Variants in GABRG3 observed in about 807,000 individuals in gnomAD.
GABRG3 encodes the protein gamma-aminobutyric acid receptor subunit gamma-3.
In GABRG3, 25 loss-of-function variants were observed where a neutral mutation model predicts 48.8. The observed-to-expected ratio is 0.51, with a 90% CI of 0.37 to 0.72. GABRG3 has a LOEUF of 0.72. Ranked by LOEUF, GABRG3 falls within the 30% of genes least tolerant of loss-of-function variation. The pLI, the probability that GABRG3 is intolerant of heterozygous loss-of-function variation, is 0.00. For synonymous variants in GABRG3, 227 were observed against 217.6 expected (o/e 1.04, Z -0.38); for missense variants, 394 against 577.9 (o/e 0.68, Z 3.26).
chr15:27,225,956 C>T (rs1280063552), intron 3 of GABRG3, among the ~76,000 whole-genome samples: 1 of 152,104 alleles, frequency 6.6e-6, no homozygotes, highest in Non-Finnish European at 1.5e-5. Context: ...ATTAGGGGCT[C>T]CCTTTGGAAA....
intron 3 of GABRG3, among the ~76,000 whole-genome samples, chr15:27,051,055 A>G (rs1027173292): frequency 1.3e-5 from 2 of 152,230 alleles, no homozygotes; most frequent in African/African-American, 2.4e-5. Context: ...TAACCAGATA[A>G]ATTGAGGCAA....
intron 3 of GABRG3, among the ~76,000 whole-genome samples, chr15:27,138,614 G>A (rs1898049965): frequency 6.6e-6 from 1 of 152,162 alleles, no homozygotes; most frequent in South Asian, 2.1e-4. Context: ...CCCCCTGGAT[G>A]CCTTCATCTG....
At chr15:27,199,454 C>G (rs1307861851) in intron 3 of GABRG3, among the ~76,000 whole-genome samples, 1 of 152,162 alleles carries the variant, frequency 6.6e-6, no homozygotes, top group African/African-American at 2.4e-5. Flanking sequence ...GTTTGGATAT[C>G]TGTCCCTTCC....
chr15:27,412,802 G>A (rs1036609921), intron 5 of GABRG3, among the ~76,000 whole-genome samples: 1 of 151,900 alleles, frequency 6.6e-6, no homozygotes, highest in Non-Finnish European at 1.5e-5. Flanking sequence ...TCATTTCTTT[G>A]AAGGAAAAAA....
At chr15:27,501,042 C>A (rs969016724) in intron 6 of GABRG3, among the ~76,000 whole-genome samples, 1 of 150,706 alleles carries the variant, frequency 6.6e-6, no homozygotes, top group South Asian at 2.1e-4. Context: ...AGCTCCGCCT[C>A]CCGGGTTCAC....
At chr15:27,143,677 G>C (rs1330507799) in intron 3 of GABRG3, among the ~76,000 whole-genome samples, 1 of 152,174 alleles carries the variant, frequency 6.6e-6, no homozygotes, top group Middle Eastern at 3.2e-3. Context: ...CTAACATTCT[G>C]CTAAAGCTGG....
chr15:27,516,033 T>G (rs1489250261), intron 6 of GABRG3, among the ~76,000 whole-genome samples: 1 of 151,970 alleles, frequency 6.6e-6, no homozygotes, highest in Non-Finnish European at 1.5e-5. Context: ...ATTTAAAAAT[T>G]GTAAATTTGC....
intron 5 of GABRG3, among the ~76,000 whole-genome samples, chr15:27,446,287 T>C (rs79899739): frequency 0.038 from 5,844 of 152,292 alleles, 136 homozygotes; most frequent in Middle Eastern, 0.11. Context: ...TAGTATACCT[T>C]TTCATTTATT....
rs577157007 is a variant in GABRG3, at chr15:27,266,282, T to G, written c.271-60527T>G. On this transcript the variant is annotated intron_variant, in intron 3 of 9. Transcript: ENST00000615808. The stretch of plus-strand genomic sequence containing the variant: ...TGCAATATGAAGTATGGATTGGAAT[T>G]CTTTTTTTTTCTGCTTATGGATATC... Among the ~76,000 whole-genome samples the G allele has an allele frequency of 1.6e-3, 150 of 96,614 alleles. 1 individual carries two copies. Among genetic ancestry groups the G allele is most frequent in the African/African-American group, 4.9e-3 (138 of 28,436 alleles). 63.4% of individuals were successfully genotyped at this position (96,614 alleles called of 152,430 possible). A position where few individuals can be genotyped will look rare whatever the true frequency, so the allele number is the denominator to read the frequency against.
intron 3 of GABRG3, among the ~76,000 whole-genome samples, chr15:27,068,721 T>C (rs1896778800): frequency 6.6e-6 from 1 of 152,208 alleles, no homozygotes; most frequent in Admixed American, 6.5e-5. Context: ...GTCATGGATA[T>C]GACAGGGAGT....
At chr15:27,376,029 G>A (rs919267005) in intron 5 of GABRG3, among the ~76,000 whole-genome samples, 5 of 152,314 alleles carry the variant, frequency 3.3e-5, no homozygotes, top group African/African-American at 1.2e-4. Context: ...TACAATAGGG[G>A]TACAGGCATT....
chr15:27,397,006 C>T (rs1331465380), intron 5 of GABRG3, among the ~76,000 whole-genome samples: 2 of 151,994 alleles, frequency 1.3e-5, no homozygotes, highest in South Asian at 2.1e-4. Flanking sequence ...GTGATGGTAT[C>T]GAAGTGGTGA....
intron 2 of GABRG3, among the ~76,000 whole-genome samples, chr15:27,006,743 G>A (rs1049310187): frequency 1.2e-4 from 18 of 152,098 alleles, no homozygotes; most frequent in African/African-American, 4.1e-4. Context: ...ACTTGTAAGT[G>A]AGAACATGCA....
At chr15:27,495,144 G>A (rs778490133) in intron 6 of GABRG3, among the ~76,000 whole-genome samples, 4 of 152,028 alleles carry the variant, frequency 2.6e-5, no homozygotes, top group Admixed American at 6.6e-5. Flanking sequence ...CCCAACCCAT[G>A]GGAACCACCT....
rs1222517110 is a variant in GABRG3 at position 27,536,012 on chromosome 15, T to C, written c.*3131T>C. 2 of 152,268 alleles carry C rather than the reference T, an allele frequency of 1.3e-5. No homozygotes were observed. The highest frequency in any genetic ancestry group is 4.8e-5 in the African/African-American group (2 of 41,450). The allele number at this position is 152,268 out of a possible 1,614,324, so 9.4% of individuals were successfully genotyped here. ...TTTGGGGTGGAAGTTGTCTGAGTGATCTGCATTCCAAAGGTGCTACTGTGT... is the reference window on the plus strand; with the variant it reads ...TTTGGGGTGGAAGTTGTCTGAGTGACCTGCATTCCAAAGGTGCTACTGTGT... On this transcript the variant is annotated 3_prime_UTR_variant, in exon 10 of 10. Coordinates refer to ENST00000615808, the MANE Select transcript of GABRG3 (RefSeq NM_033223.5).
At chr15:27,030,680 A>G (rs891612484) in intron 3 of GABRG3, among the ~76,000 whole-genome samples, 8 of 115,190 alleles carry the variant, frequency 6.9e-5, no homozygotes, top group African/African-American at 2.4e-4. Context: ...AGCAAAGAAG[A>G]AAACCAATGT....
chr15:27,151,722 C>G (rs1447591920), intron 3 of GABRG3, among the ~76,000 whole-genome samples: 1 of 152,004 alleles, frequency 6.6e-6, no homozygotes, highest in Non-Finnish European at 1.5e-5. Flanking sequence ...TTAACTCAAC[C>G]CAAATGGAAG....
intron 5 of GABRG3, among the ~76,000 whole-genome samples, chr15:27,406,286 C>G (rs1054603310): frequency 2.6e-5 from 4 of 152,144 alleles, no homozygotes; most frequent in Non-Finnish European, 2.9e-5. Context: ...ATACTTCTTG[C>G]TAGGAGGCGG....
chr15:27,302,838 G>A lies in GABRG3; in HGVS notation c.271-23971G>A, dbSNP rs1016570777. 4.6e-5 allele frequency among the ~76,000 whole-genome samples: 7 copies of A among 151,748 alleles called. No homozygotes were observed. The South Asian group carries it at 6.2e-4, about 14-fold the overall frequency. On this transcript the variant is annotated intron_variant, in intron 3 of 9. Coordinates refer to ENST00000615808, the MANE Select transcript of GABRG3 (RefSeq NM_033223.5). Reference sequence around the variant, plus strand: ...ATCAGAAACACAACAGAAAAATATCGAAACCCATGGAAATTAAACAACATA... The same window carrying A: ...ATCAGAAACACAACAGAAAAATATCAAAACCCATGGAAATTAAACAACATA...
Sources: gnomAD v4.1 joint callset for allele counts (sites outside exome capture counted in the v4.1 genomes callset) on GRCh38, gnomAD v4.1.1 for gene constraint, MANE v1.5 for transcripts, NCBI Gene and HGNC (gene_info 2026-07-23, HGNC 2026-07-21) for gene names.